NALF1: variants seen among roughly 807,000 people sequenced by gnomAD.
NALF1 encodes family with sequence similarity 155 member A.
In NALF1, 3 loss-of-function variants were observed where a neutral mutation model predicts 48.4. The ratio of observed to expected loss-of-function variants is 0.06; its 90% confidence interval spans 0.03 to 0.16. The LOEUF (loss-of-function observed/expected upper bound fraction) is 0.16, where lower values mean the gene tolerates loss of function less well. Among genes scored for constraint, NALF1 ranks in the 10% least tolerant of loss-of-function variants. NALF1 has a pLI of 1.00. For synonymous variants in NALF1, 262 were observed against 245.7 expected (o/e 1.07, Z -0.62); for missense variants, 526 against 571.5 (o/e 0.92, Z 0.81).
intron 1 of NALF1, among the ~76,000 whole-genome samples, chr13:107,530,912 C>T (rs142112623): frequency 5.3e-5 from 8 of 151,866 alleles, no homozygotes; most frequent in Admixed American, 2.6e-4. Context: ...AGAACACTGA[C>T]GATTTTTATT....
intron 1 of NALF1, among the ~76,000 whole-genome samples, chr13:107,686,539 A>G (rs1881437279): frequency 6.6e-6 from 1 of 152,132 alleles, no homozygotes; most frequent in African/African-American, 2.4e-5. Context: ...GACTAGAGGC[A>G]CATGCCACCA....
At chr13:107,730,985 C>A (rs552641093) in intron 1 of NALF1, among the ~76,000 whole-genome samples, 1 of 152,124 alleles carries the variant, frequency 6.6e-6, no homozygotes, top group African/African-American at 2.4e-5. Flanking sequence ...CTGGGTGCTA[C>A]GGGAATGTCG....
At chr13:107,834,412 T>C (rs1379385967) in intron 1 of NALF1, among the ~76,000 whole-genome samples, 1 of 152,204 alleles carries the variant, frequency 6.6e-6, no homozygotes, top group Admixed American at 6.5e-5. Flanking sequence ...ACTGCACAGC[T>C]CTTACCATCA....
At chr13:107,707,057 G>A (rs865975071) in intron 1 of NALF1, among the ~76,000 whole-genome samples, 209 of 149,170 alleles carry the variant, frequency 1.4e-3, no homozygotes, top group African/African-American at 4.9e-3. Context: ...CAAGTAGCTG[G>A]GACTACAGGC....
At chr13:107,279,087 A>G (rs1881338387) in intron 1 of NALF1, among the ~76,000 whole-genome samples, 1 of 144,730 alleles carries the variant, frequency 6.9e-6, no homozygotes, top group Non-Finnish European at 1.5e-5. Flanking sequence ...AGTACCTCAA[A>G]CTCTGAATTT....
chr13:107,439,393 C>T (rs937728527), intron 1 of NALF1, among the ~76,000 whole-genome samples: 1 of 152,186 alleles, frequency 6.6e-6, no homozygotes, highest in Non-Finnish European at 1.5e-5. Flanking sequence ...CCCTTTAAAC[C>T]TGGTTTTCAC....
At chr13:107,587,277 G>A (rs543437390) in intron 1 of NALF1, among the ~76,000 whole-genome samples, 5 of 152,164 alleles carry the variant, frequency 3.3e-5, no homozygotes, top group Admixed American at 1.3e-4. Flanking sequence ...CCAACCACAC[G>A]TGGGTTCCTT....
chr13:107,219,032 G>C (rs1215081268), intron 1 of NALF1, among the ~76,000 whole-genome samples: 3 of 152,146 alleles, frequency 2.0e-5, no homozygotes, highest in Non-Finnish European at 4.4e-5. Context: ...TGGTGTGAAG[G>C]AAGATCTCTT....
At chr13:107,466,628 A>G (rs755473789) in intron 1 of NALF1, 3 of 152,224 alleles carry the variant, frequency 2.0e-5, no homozygotes, top group Admixed American at 6.5e-5. Flanking sequence ...GGTCTACAGC[A>G]TATGGAAATC....
chr13:107,180,146 G>A (rs1228099316), intron 2 of NALF1, among the ~76,000 whole-genome samples: 4 of 150,746 alleles, frequency 2.7e-5, no homozygotes, highest in Non-Finnish European at 5.9e-5. Flanking sequence ...ATAAAATATA[G>A]AACAGAATTT....
chr13:107,655,619 C>T lies in NALF1; in HGVS notation c.915+210063G>A, dbSNP rs181911947. On this transcript the variant is annotated intron_variant, in intron 1 of 2. Coordinates refer to ENST00000375915, the MANE Select transcript of NALF1 (RefSeq NM_001080396.3). ...TCTACAAATTCAAAGCAATTCCCAT[C>T]AAAATACCATGATGATTCTTCACAG... 1.4e-3 allele frequency among the ~76,000 whole-genome samples: 210 copies of T among 152,068 alleles called. 1 individual carries two copies. The highest frequency in any genetic ancestry group is 2.6e-3 in the Admixed American group (40 of 15,250).
At chr13:107,420,816 C>T (rs9587388) in intron 1 of NALF1, among the ~76,000 whole-genome samples, 30,620 of 152,110 alleles carry the variant, frequency 0.2, 3,537 homozygotes, top group Middle Eastern at 0.27. Context: ...GAATAACATA[C>T]ATTGTATCCA....
At chr13:107,368,320 C>CTT (rs35618769) in intron 1 of NALF1, among the ~76,000 whole-genome samples, 68,112 of 145,808 alleles carry the variant, frequency 0.47, 16,109 homozygotes, top group Admixed American at 0.58. Flanking sequence ...CACATAAATA[C>CTT]TTTTTTTTTT....
At chr13:107,697,130 A>T (rs896553753) in intron 1 of NALF1, among the ~76,000 whole-genome samples, 2 of 152,180 alleles carry the variant, frequency 1.3e-5, no homozygotes, top group African/African-American at 4.8e-5. Flanking sequence ...ATGACACAGA[A>T]GTTAAGTTAC....
intron 1 of NALF1, among the ~76,000 whole-genome samples, chr13:107,472,311 A>G (rs1399054543): frequency 1.3e-5 from 2 of 152,248 alleles, no homozygotes; most frequent in East Asian, 3.8e-4. Flanking sequence ...CCTGGGCAAC[A>G]GAGCGAGACT....
In NALF1 at chr13:107,169,981, T is replaced by TTGTC. The variant is rs1206927111; in HGVS notation, c.*512_*515dup. The TTGTC allele has an allele frequency of 4.6e-5, 7 of 152,680 alleles. No individual in the cohort carries two copies. The highest frequency in any genetic ancestry group is 1.7e-4 in the African/African-American group (7 of 41,444). The allele number at this position is 152,680 out of a possible 1,614,324, so 9.5% of individuals were successfully genotyped here. On this transcript the variant is annotated 3_prime_UTR_variant, in exon 3 of 3. Transcript: ENST00000375915. ...TTATTTTTTTGTTGTTTTCTTTTTT[T>TTGTC]TGTCTTTTTTATTTTTTATTCTTTT... is the stretch of plus-strand genomic sequence containing the variant.
At chr13:107,330,641 G>A (rs969251425) in intron 1 of NALF1, among the ~76,000 whole-genome samples, 3 of 152,196 alleles carry the variant, frequency 2.0e-5, no homozygotes, top group African/African-American at 7.2e-5. Context: ...CTAGTCCTGT[G>A]CATTTTTGCA....
chr13:107,381,830 T>G (rs1883445639), intron 1 of NALF1, among the ~76,000 whole-genome samples: 1 of 152,140 alleles, frequency 6.6e-6, no homozygotes, highest in African/African-American at 2.4e-5. Flanking sequence ...CTGCTTAGCT[T>G]TCCATCCTGA....
chr13:107,191,670 A>T (rs941859102), intron 2 of NALF1, among the ~76,000 whole-genome samples: 12 of 142,074 alleles, frequency 8.4e-5, no homozygotes, highest in African/African-American at 2.6e-4. Context: ...AAAATTCTTA[A>T]TTTTTTTTTT....
Sources: allele counts gnomAD v4.1 joint callset (sites outside exome capture counted in the v4.1 genomes callset), GRCh38; gene constraint gnomAD v4.1.1; transcripts MANE v1.5; gene names NCBI Gene and HGNC (gene_info 2026-07-23, HGNC 2026-07-21).